The following MORN1 variants were observed in gnomAD, a reference collection of about 807,000 sequenced individuals.
The protein encoded by MORN1 is MORN repeat containing 1.
MORN1 carries 67 observed loss-of-function variants against 61.9 expected under a neutral mutation model. The observed-to-expected ratio is 1.08, with a 90% CI of 0.89 to 1.33. The LOEUF (loss-of-function observed/expected upper bound fraction) is 1.33, where lower values mean the gene tolerates loss of function less well. Ranked by LOEUF, MORN1 falls within the 40% of genes most tolerant of loss-of-function variation. MORN1 has a pLI of 0.00. For synonymous variants in MORN1, 301 were observed against 292.0 expected (o/e 1.03, Z -0.31); for missense variants, 752 against 691.2 (o/e 1.09, Z -0.99).
intron 1 of MORN1, among the ~76,000 whole-genome samples, chr1:2,390,301 G>C (rs1570062994): frequency 6.6e-6 from 1 of 152,240 alleles, no homozygotes; most frequent in South Asian, 2.1e-4. Flanking sequence ...TGCTCGGGAG[G>C]TGGTGAGGAG....
chr1:2,364,274 C>G (rs1236011827), intron 8 of MORN1, among the ~76,000 whole-genome samples: 1 of 151,958 alleles, frequency 6.6e-6, no homozygotes, highest in Non-Finnish European at 1.5e-5. Context: ...GTGTATGCCC[C>G]CAATAACAGA....
At chr1:2,321,660 A>G (rs1640884109) in intron 13 of MORN1, 81 bp from the exon 14 acceptor site, 4 of 1,403,356 alleles carry the variant, frequency 2.9e-6, no homozygotes, top group South Asian at 1.6e-5. Context: ...CCACTGTCTC[A>G]TGTGCCCGCT....
intron 6 of MORN1, among the ~76,000 whole-genome samples, chr1:2,381,069 A>C: frequency 6.6e-6 from 1 of 152,232 alleles, no homozygotes; most frequent in Middle Eastern, 3.2e-3. Context: ...AGAGCAGAGA[A>C]CTGAGCAGCT....
chr1:2,351,471 G>C (rs987826073), intron 10 of MORN1: 2 of 169,978 alleles, frequency 1.2e-5, no homozygotes, highest in East Asian at 1.8e-4. Context: ...GGCCCAGCAG[G>C]GGTACGTTCG....
intron 2 of MORN1, among the ~76,000 whole-genome samples, chr1:2,389,195 C>T (rs541037909): frequency 1.6e-4 from 24 of 151,920 alleles, no homozygotes; most frequent in African/African-American, 4.1e-4. Context: ...GTGGCGGGAA[C>T]GTCCACACCA....
chr1:2,349,209 G>C (rs977055031), intron 10 of MORN1, among the ~76,000 whole-genome samples: 2 of 152,210 alleles, frequency 1.3e-5, no homozygotes, highest in African/African-American at 4.8e-5. Context: ...GAACAGGAAA[G>C]AACCTCAGAG....
At chr1:2,351,266 A>C (rs1317197811) in intron 10 of MORN1, 1 of 150,624 alleles carries the variant, frequency 6.6e-6, no homozygotes, top group African/African-American at 2.4e-5. Context: ...TTGCTGCAAA[A>C]GCGGCAGACT....
chr1:2,385,861 T>C lies in MORN1; in HGVS notation c.395A>G (p.Tyr132Cys), dbSNP rs781382772. ...GFLVDRDGQV[Y>C]QGSFHDNKRH... ...CTTGTTGTCATGGAAGGAGCCCTGG[T>C]ACACTTGTCCATCCCGGTCCACCAG... The change falls in exon 5 of 14, where the codon TAC becomes TGC. Residue 132 changes from tyrosine to cysteine, a missense_variant. Physicochemically the swap from Tyr to Cys is radical, Grantham distance 194 (BLOSUM62 -2). Coordinates refer to ENST00000378531, the MANE Select transcript of MORN1 (RefSeq NM_024848.3). 10 of 1,613,806 alleles carry C rather than the reference T, an allele frequency of 6.2e-6. No homozygotes were observed. In the Admixed American group the frequency reaches 1.7e-4, roughly 27 times the overall value.
intron 12 of MORN1, chr1:2,332,391 G>A (rs1641176779): frequency 1.2e-5 from 4 of 346,724 alleles, no homozygotes; most frequent in East Asian, 7.8e-5. Context: ...CTCCAGCATC[G>A]GAAGGAATGC....
In MORN1 at chr1:2,357,673, C is replaced by T. The variant is rs746680143; in HGVS notation, c.870-75G>A. The T allele has an allele frequency of 9.5e-5, 141 of 1,487,136 alleles. No individual in the cohort carries two copies. Among genetic ancestry groups the T allele is most frequent in the Non-Finnish European group, 1.1e-4 (124 of 1,113,348 alleles). The allele number at this position is 1,487,136 out of a possible 1,614,324, so 92.1% of individuals were successfully genotyped here. ...GGGTGCAGGCAGACAGCGTGGCCCA[C>T]GCCCTGGACCCTGGGACTTGCCTAC... On this transcript the variant is annotated intron_variant, in intron 9 of 13. Transcript: ENST00000378531. This position sits in a 1 kb window ranked among gnomAD's most constrained non-coding sequence, Gnocchi z 6.3.
At chr1:2,379,278 C>T in intron 6 of MORN1, 1 of 397,730 alleles carries the variant, frequency 2.5e-6, no homozygotes, top group African/African-American at 2.1e-5. Flanking sequence ...GAGGTGAAGG[C>T]CAGGAGAGAG....
At chr1:2,340,875 C>T (rs900892969) in intron 10 of MORN1, among the ~76,000 whole-genome samples, 1 of 152,214 alleles carries the variant, frequency 6.6e-6, no homozygotes, top group African/African-American at 2.4e-5. Context: ...AGGCCACGAC[C>T]TGTGGCCGCC....
At chr1:2,348,182 G>A (rs1236992388) in intron 10 of MORN1, among the ~76,000 whole-genome samples, 2 of 152,264 alleles carry the variant, frequency 1.3e-5, no homozygotes, top group African/African-American at 4.8e-5. Context: ...CGTCTTCGAA[G>A]CTTCCAGGCC....
intron 10 of MORN1, among the ~76,000 whole-genome samples, chr1:2,356,716 C>T (rs1042166795): frequency 2.6e-5 from 4 of 152,216 alleles, no homozygotes; most frequent in African/African-American, 9.6e-5. Flanking sequence ...CTGAGACGCA[C>T]ACTGTGCTGC....
chr1:2,337,667 G>A lies in MORN1; in HGVS notation c.1037-817C>T, dbSNP rs550757327. 2.0e-4 allele frequency among the ~76,000 whole-genome samples: 31 copies of A among 152,198 alleles called. No individual in the cohort carries two copies. Among genetic ancestry groups the A allele is most frequent in the Non-Finnish European group, 3.1e-4 (21 of 68,036 alleles). On this transcript the variant is annotated intron_variant, in intron 10 of 13. Coordinates refer to ENST00000378531, the MANE Select transcript of MORN1 (RefSeq NM_024848.3). This position sits in a 1 kb window ranked among gnomAD's most constrained non-coding sequence, Gnocchi z 5.7. Reference sequence around the variant, plus strand: ...TCCACACACACACATCAGAGCCCACGTTCCTACGAGCAGCTCGGAGCTGTC... The same window carrying A: ...TCCACACACACACATCAGAGCCCACATTCCTACGAGCAGCTCGGAGCTGTC...
intron 9 of MORN1, among the ~76,000 whole-genome samples, chr1:2,358,109 T>C (rs1395532713): frequency 6.6e-6 from 1 of 152,136 alleles, no homozygotes; most frequent in Non-Finnish European, 1.5e-5. Flanking sequence ...GGCCTCTGTT[T>C]GCGTGTGGGT....
intron 10 of MORN1, among the ~76,000 whole-genome samples, chr1:2,348,773 GCACGCACACA>G (rs1319220715): frequency 1.4e-5 from 2 of 137,934 alleles, no homozygotes; most frequent in African/African-American, 3.0e-5. Context: ...ACCTGCGCAG[GCACGCACACA>G]CACGCACGCA....
chr1:2,323,342 C>T, intron 13 of MORN1: 1 of 985,444 alleles, frequency 1.0e-6, no homozygotes. Context: ...CCCCAGTGAG[C>T]AGCGGGTCCA....
chr1:2,378,825 C>T (rs955285457), intron 6 of MORN1: 17 of 427,196 alleles, frequency 4.0e-5, no homozygotes, highest in East Asian at 7.1e-5. Context: ...GTGTGGGGGA[C>T]GGAGATGGCT....
Sources: gnomAD v4.1 joint callset for allele counts (sites outside exome capture counted in the v4.1 genomes callset) on GRCh38, gnomAD v4.1.1 for gene constraint, Gnocchi (gnomAD v3.1) non-coding constraint, MANE v1.5 for transcripts, NCBI Gene and HGNC (gene_info 2026-07-23, HGNC 2026-07-21) for gene names.